Variants in FAM78B observed in about 807,000 individuals in gnomAD.
The protein encoded by FAM78B is family with sequence similarity 78 member B, also known as protein FAM78B.
FAM78B carries 10 observed loss-of-function variants against 20.0 expected under a neutral mutation model. The observed-to-expected ratio is 0.50, with a 90% CI of 0.31 to 0.85. The LOEUF (loss-of-function observed/expected upper bound fraction) is 0.85. FAM78B is among the 40% of genes least tolerant of loss of function. FAM78B has a pLI of 0.05. For synonymous variants in FAM78B, 135 were observed against 132.8 expected, an observed-to-expected ratio of 1.02 and a Z score of -0.12; for missense variants, 283 against 345.0, an observed-to-expected ratio of 0.82 and a Z score of 1.42.
At position 166,077,911 on chromosome 1, in the gene FAM78B, A is replaced by AT. The variant is rs1328251764; in HGVS notation, c.264-7149dup. Among the ~76,000 whole-genome samples the AT allele has an allele frequency of 2.9e-3, 5 of 1,724 alleles. 1 individual carries two copies. Among genetic ancestry groups the AT allele is most frequent in the Non-Finnish European group, 4.6e-3 (3 of 652 alleles). The allele number at this position is 1,724 out of a possible 152,430, so 1.1% of individuals were successfully genotyped here. A position where few individuals can be genotyped will look rare whatever the true frequency, so the allele number is the denominator to read the frequency against. ...TAAATATATATAATTTATATATATA[A>AT]TTATATATATAATAAATATATAATA... On this transcript the variant is annotated intron_variant, in intron 1 of 1. Coordinates refer to ENST00000354422, the MANE Select transcript of FAM78B (RefSeq NM_001017961.5).
At chr1:166,134,841 T>C (rs1239398266) in intron 1 of FAM78B, among the ~76,000 whole-genome samples, 1 of 152,240 alleles carries the variant, frequency 6.6e-6, no homozygotes, top group African/African-American at 2.4e-5. Flanking sequence ...CTAGAATCTA[T>C]TGATAATTTC....
intron 1 of FAM78B, among the ~76,000 whole-genome samples, chr1:166,160,391 C>T (rs1235163980): frequency 6.6e-6 from 1 of 152,214 alleles, no homozygotes; most frequent in Non-Finnish European, 1.5e-5. Flanking sequence ...CACTGAATGC[C>T]ACTTTACAGC....
chr1:166,094,005 G>C (rs376883775), intron 1 of FAM78B, among the ~76,000 whole-genome samples: 5 of 115,060 alleles, frequency 4.3e-5, no homozygotes, highest in South Asian at 2.4e-4. Context: ...GCGAATGACT[G>C]TGTGTGTGTG....
intron 1 of FAM78B, among the ~76,000 whole-genome samples, chr1:166,088,467 T>C (rs1477141438): frequency 6.6e-6 from 1 of 152,130 alleles, no homozygotes; most frequent in African/African-American, 2.4e-5. Context: ...AGGCCCACTA[T>C]CTGGTCTGTC....
chr1:166,133,981 T>C (rs535616571), intron 1 of FAM78B, among the ~76,000 whole-genome samples: 1 of 152,296 alleles, frequency 6.6e-6, no homozygotes, highest in Admixed American at 6.5e-5. Flanking sequence ...AACGGGAGAC[T>C]GAGAGTCAGT....
At chr1:166,103,117 C>A (rs1046591869) in intron 1 of FAM78B, among the ~76,000 whole-genome samples, 1 of 152,044 alleles carries the variant, frequency 6.6e-6, no homozygotes, top group East Asian at 1.9e-4. Context: ...GGGTACATAA[C>A]GAAAGGAAGG....
At chr1:166,120,779 T>A (rs924684182) in intron 1 of FAM78B, among the ~76,000 whole-genome samples, 1 of 152,180 alleles carries the variant, frequency 6.6e-6, no homozygotes, top group African/African-American at 2.4e-5. Flanking sequence ...GCAGAGGACA[T>A]CCACGGTGAA....
chr1:166,132,659 A>G (rs1337334727), intron 1 of FAM78B, among the ~76,000 whole-genome samples: 1 of 152,160 alleles, frequency 6.6e-6, no homozygotes, highest in East Asian at 1.9e-4. Flanking sequence ...AAATCATTCC[A>G]CCTAATTAGA....
At chr1:166,085,987 T>G (rs1652813243) in intron 1 of FAM78B, among the ~76,000 whole-genome samples, 1 of 152,012 alleles carries the variant, frequency 6.6e-6, no homozygotes, top group Non-Finnish European at 1.5e-5. Context: ...CTACTACAGG[T>G]AAGAGGAGCT....
intron 1 of FAM78B, among the ~76,000 whole-genome samples, chr1:166,151,822 A>G (rs1290556128): frequency 6.6e-6 from 1 of 152,158 alleles, no homozygotes; most frequent in Non-Finnish European, 1.5e-5. Flanking sequence ...TTTCCGCAAA[A>G]ACTTTATCAT....
chr1:166,114,865 T>C (rs192356111), intron 1 of FAM78B, among the ~76,000 whole-genome samples: 1 of 152,208 alleles, frequency 6.6e-6, no homozygotes, highest in African/African-American at 2.4e-5. Flanking sequence ...AGCTTAGAGT[T>C]AGACTACATC....
At chr1:166,155,614 G>T (rs1311241645) in intron 1 of FAM78B, among the ~76,000 whole-genome samples, 1 of 152,190 alleles carries the variant, frequency 6.6e-6, no homozygotes, top group African/African-American at 2.4e-5. Context: ...GAGGTTGGGG[G>T]TTAGTTTGTG....
intron 1 of FAM78B, among the ~76,000 whole-genome samples, chr1:166,090,133 G>T (rs1172430388): frequency 6.6e-6 from 1 of 152,182 alleles, no homozygotes; most frequent in Non-Finnish European, 1.5e-5. Context: ...TGCTGCTCCT[G>T]TCCTCCCAGA....
chr1:166,073,149 CAG>C (rs1221864406), intron 1 of FAM78B, among the ~76,000 whole-genome samples: 1 of 152,290 alleles, frequency 6.6e-6, no homozygotes, highest in East Asian at 1.9e-4. Context: ...GTTTCTGGAA[CAG>C]AGAAATACAA....
intron 1 of FAM78B, among the ~76,000 whole-genome samples, chr1:166,108,049 G>C (rs999507146): frequency 6.6e-6 from 1 of 152,092 alleles, no homozygotes; most frequent in Non-Finnish European, 1.5e-5. Flanking sequence ...ACTGAATAGG[G>C]AAAGGTCGAA....
chr1:166,128,123 T>A (rs548993434), intron 1 of FAM78B, among the ~76,000 whole-genome samples: 1 of 152,324 alleles, frequency 6.6e-6, no homozygotes, highest in African/African-American at 2.4e-5. Context: ...ATAGGAGAGC[T>A]AAGCCAACAA....
chr1:166,104,267 A>G (rs1236843785), intron 1 of FAM78B, among the ~76,000 whole-genome samples: 3 of 151,860 alleles, frequency 2.0e-5, no homozygotes, highest in African/African-American at 7.3e-5. Flanking sequence ...GGCAAAAACT[A>G]GAAGCATTCC....
intron 1 of FAM78B, among the ~76,000 whole-genome samples, chr1:166,145,699 T>C (rs1415112317): frequency 2.0e-5 from 3 of 152,220 alleles, no homozygotes; most frequent in Non-Finnish European, 2.9e-5. Context: ...AGACACATTT[T>C]TGGCATCAAA....
chr1:166,155,169 T>C (rs193256953), intron 1 of FAM78B, among the ~76,000 whole-genome samples: 85 of 152,358 alleles, frequency 5.6e-4, no homozygotes, highest in African/African-American at 2.0e-3. Context: ...TTCCCAAGTC[T>C]CCTCAGCAAG....
Sources: gnomAD v4.1 joint callset for allele counts (sites outside exome capture counted in the v4.1 genomes callset) on GRCh38, gnomAD v4.1.1 for gene constraint, MANE v1.5 for transcripts, NCBI Gene and HGNC (gene_info 2026-07-23, HGNC 2026-07-21) for gene names.